The following DNAH8 variants were observed in gnomAD, a reference collection of about 807,000 sequenced individuals.
The protein encoded by DNAH8 is axonemal beta dynein heavy chain 8.
Under a neutral mutation model 562.1 loss-of-function variants are expected in DNAH8, and 382 were observed. That is an observed-to-expected ratio of 0.68 (90% CI 0.63 to 0.74). DNAH8 has a LOEUF of 0.74. Ranked by LOEUF, DNAH8 falls within the 30% of genes least tolerant of loss-of-function variation. DNAH8 has a pLI of 0.00. For missense variants in DNAH8, 5,203 were observed against 5,620.4 expected, an observed-to-expected ratio of 0.93 and a Z score of 2.37; for synonymous variants, 1,881 against 1,919.4, an observed-to-expected ratio of 0.98 and a Z score of 0.52.
intron 73 of DNAH8, among the ~76,000 whole-genome samples, chr6:38,925,507 T>C (rs1458294525): frequency 6.6e-6 from 1 of 151,882 alleles, no homozygotes; most frequent in African/African-American, 2.4e-5. Flanking sequence ...GGTGATTTTA[T>C]TGATCACATG....
At chr6:38,979,727 C>A (rs543278730) in intron 85 of DNAH8, among the ~76,000 whole-genome samples, 1 of 152,166 alleles carries the variant, frequency 6.6e-6, no homozygotes, top group Non-Finnish European at 1.5e-5. Context: ...TAAAGAACAA[C>A]TAAATTGCAG....
At chr6:39,018,312 G>A (rs1054905364) in intron 91 of DNAH8, among the ~76,000 whole-genome samples, 1 of 152,154 alleles carries the variant, frequency 6.6e-6, no homozygotes, top group Non-Finnish European at 1.5e-5. Flanking sequence ...TGCTGAAGCT[G>A]CTCTCTCCAC....
At chr6:38,846,219 CACTT>C (rs1465500579) in intron 36 of DNAH8, among the ~76,000 whole-genome samples, 1 of 152,188 alleles carries the variant, frequency 6.6e-6, no homozygotes. Flanking sequence ...AGGGGCTTGG[CACTT>C]ACTTAGAGAC....
chr6:38,964,963 C>T (rs1336532262), intron 82 of DNAH8, among the ~76,000 whole-genome samples: 1 of 152,016 alleles, frequency 6.6e-6, no homozygotes, highest in East Asian at 1.9e-4. Context: ...ACTCAGGAAG[C>T]TGAGGCATGA....
chr6:38,909,722 A>G lies in DNAH8; in HGVS notation c.9718A>G (p.Ser3240Gly). 6.2e-7 allele frequency: 1 copy of G among 1,614,056 alleles called. No individual in the cohort carries two copies. Among genetic ancestry groups the G allele is most frequent in the Non-Finnish European group, 8.5e-7 (1 of 1,179,922 alleles). Residue 3240 changes from serine to glycine, a missense_variant, in exon 65 of 93, where the codon AGC (serine) becomes GGC (glycine). Physicochemically the swap from Ser to Gly is moderately conservative, Grantham distance 56. Around this residue, in one of 6 missense-constraint regions of DNAH8, gnomAD observed 977 missense variants for 1,061.8 expected, o/e 0.92. Coordinates refer to ENST00000327475, the MANE Select transcript of DNAH8 (RefSeq NM_001206927.2). ...CCTGTTTCATGACATGGTTTCAGAG[A>G]GCTGTGAAAGTTATTTCCAAAGGTA... ...MGLFHDMVSE[S>G]CESYFQRYRR...
chr6:38,854,292 G>A (rs943150581), intron 41 of DNAH8, among the ~76,000 whole-genome samples: 4 of 152,136 alleles, frequency 2.6e-5, no homozygotes, highest in Admixed American at 6.5e-5. Context: ...TCATTCAAGA[G>A]AAATGAAAAG....
chr6:38,936,917 T>A (rs2150589548), intron 77 of DNAH8, among the ~76,000 whole-genome samples: 1 of 152,272 alleles, frequency 6.6e-6, no homozygotes, highest in Non-Finnish European at 1.5e-5. Flanking sequence ...TGTTCGCAGA[T>A]ATGGGGACTG....
At chr6:38,909,038 A>G (rs527878685) in intron 64 of DNAH8, among the ~76,000 whole-genome samples, 1 of 152,312 alleles carries the variant, frequency 6.6e-6, no homozygotes, top group East Asian at 1.9e-4. Flanking sequence ...GCTCTTATTT[A>G]TAATCAATAG....
chr6:38,895,956 G>A, intron 59 of DNAH8, 77 bp from the exon 60 acceptor site: 1 of 1,262,098 alleles, frequency 7.9e-7, no homozygotes, highest in Non-Finnish European at 1.1e-6. Context: ...GTGGGGCTGA[G>A]AAGAGGCGAA....
chr6:38,743,570 C>T (rs1333235758), intron 8 of DNAH8, among the ~76,000 whole-genome samples: 1 of 152,290 alleles, frequency 6.6e-6, no homozygotes, highest in African/African-American at 2.4e-5. Context: ...CCCTTCCCCC[C>T]AGCCCTCTGT....
intron 76 of DNAH8, among the ~76,000 whole-genome samples, chr6:38,934,648 A>G (rs1368002548): frequency 2.0e-5 from 3 of 152,202 alleles, no homozygotes; most frequent in African/African-American, 2.4e-5. Flanking sequence ...TGAGATTTCA[A>G]TGTAGACTCT....
rs370474987 is a variant in DNAH8, at chr6:38,911,476, G to A, written c.9749G>A (p.Arg3250Gln). ...TAATGTTCTGCTTTCAGATACCGCC[G>A]AAGAGCACATGTGACTCCCAAATCT... ...SCESYFQRYR[R>Q]RAHVTPKSYL... Residue 3250 changes from arginine (R) to glutamine (Q), a missense_variant, in exon 66 of 93, where the codon CGA becomes CAA. Arg to Gln is a conservative substitution (Grantham distance 43). Transcript: ENST00000327475. The A allele has an allele frequency of 2.9e-5, 46 of 1,610,936 alleles. No homozygotes were observed. Among genetic ancestry groups the A allele is most frequent in the Non-Finnish European group, 3.1e-5 (37 of 1,177,334 alleles).
chr6:38,760,682 TC>T (rs1346635824), intron 10 of DNAH8, among the ~76,000 whole-genome samples: 1 of 152,098 alleles, frequency 6.6e-6, no homozygotes, highest in African/African-American at 2.4e-5. Context: ...TGGGGGTGGA[TC>T]CCTCATGAAT....
chr6:38,889,864 AC>A (rs1201964204), intron 57 of DNAH8, among the ~76,000 whole-genome samples: 1 of 150,886 alleles, frequency 6.6e-6, no homozygotes, highest in East Asian at 2.0e-4. Context: ...CTCTTCATCA[AC>A]CTGTTCTGCA....
chr6:38,843,000 A>C, intron 35 of DNAH8, 97 bp downstream of exon 35: 1 of 1,332,258 alleles, frequency 7.5e-7, no homozygotes, highest in Non-Finnish European at 1.0e-6. Context: ...AGGTTGGACT[A>C]ATTGCCCTCT....
At chr6:38,989,855 G>A (rs534125555) in intron 87 of DNAH8, among the ~76,000 whole-genome samples, 157 bp from the exon 88 acceptor site, 11 of 152,270 alleles carry the variant, frequency 7.2e-5, no homozygotes, top group African/African-American at 2.6e-4. Context: ...CTCCATATAT[G>A]TGGTAATTAT....
intron 71 of DNAH8, among the ~76,000 whole-genome samples, chr6:38,922,635 C>G (rs113770318): frequency 1.3e-4 from 20 of 152,200 alleles, no homozygotes; most frequent in African/African-American, 4.3e-4. Flanking sequence ...AGAGTTGATA[C>G]AAGCCGGCTG....
At chr6:38,874,058 CTTTCTTTCTT>C (rs541834450) in intron 52 of DNAH8, among the ~76,000 whole-genome samples, 11,375 of 39,964 alleles carry the variant, frequency 0.28, 3,244 homozygotes, top group South Asian at 0.38. Flanking sequence ...TTCTTTCTTT[CTTTCTTTCTT>C]TTTCTTTCTT....
At chr6:38,870,127 A>G (rs997782527) in intron 48 of DNAH8, among the ~76,000 whole-genome samples, 2 of 152,184 alleles carry the variant, frequency 1.3e-5, no homozygotes, top group East Asian at 3.8e-4. Flanking sequence ...ACAGCAGGGA[A>G]AGACTTGCCC....
Sources: gnomAD v4.1 joint callset for allele counts (sites outside exome capture counted in the v4.1 genomes callset) on GRCh38, gnomAD v4.1.1 for gene constraint, gnomAD v4.1.1 regional missense constraint, MANE v1.5 for transcripts, NCBI Gene and HGNC (gene_info 2026-07-23, HGNC 2026-07-21) for gene names.